The following SMAP2 variants were observed in gnomAD, a reference collection of about 807,000 sequenced individuals.
The protein encoded by SMAP2 is stromal membrane-associated protein 2.
SMAP2 carries 25 observed loss-of-function variants against 56.4 expected under a neutral mutation model. That is an observed-to-expected ratio of 0.44 (90% CI 0.32 to 0.62). The LOEUF (loss-of-function observed/expected upper bound fraction) is 0.62. Ranked by LOEUF, SMAP2 falls within the 20% of genes least tolerant of loss-of-function variation. SMAP2 has a pLI of 0.04. For synonymous variants in SMAP2, 157 were observed against 181.7 expected (o/e 0.86, Z 1.09); for missense variants, 388 against 545.6 (o/e 0.71, Z 2.88).
rs1445954417 is a variant in SMAP2, at chr1:40,422,057, G to T, written c.1246G>T (p.Gly416Ter). ...TGGACAGTCAATGAGTGGCGGAAAT[G>T]GACAGGCAGCAAATCAGACTCTCAG... is the stretch of plus-strand genomic sequence containing the variant. ...NYGQSMSGGNGQAANQTLSPQ... is the reference protein window; with the variant it reads ...NYGQSMSGGN The change falls in exon 10 of 10, where the codon GGA becomes TGA. Residue 416 changes from glycine (G) to a stop codon, truncating the protein, a stop_gained. Coordinates refer to ENST00000372718, the MANE Select transcript of SMAP2 (RefSeq NM_022733.3). LOFTEE classifies it high-confidence loss of function. 6.2e-7 allele frequency: 1 copy of T among 1,614,024 alleles called. No individual in the cohort carries two copies. The highest frequency in any genetic ancestry group is 1.3e-5 in the African/African-American group (1 of 74,916).
intron 3 of SMAP2, 70 bp from the exon 4 acceptor site, chr1:40,409,687 C>T: frequency 1.8e-6 from 2 of 1,082,442 alleles, no homozygotes; most frequent in Non-Finnish European, 2.9e-6. Context: ...CTCCGTGGAA[C>T]ACAATTGATC....
At chr1:40,350,721 C>T (rs1478808237) in intron 1 of SMAP2, among the ~76,000 whole-genome samples, 1 of 152,136 alleles carries the variant, frequency 6.6e-6, no homozygotes, top group Non-Finnish European at 1.5e-5. Context: ...ATGAAGATTT[C>T]AGGTATGTGG....
intron 1 of SMAP2, among the ~76,000 whole-genome samples, chr1:40,356,689 C>T (rs1185384437): frequency 2.0e-5 from 3 of 152,114 alleles, no homozygotes; most frequent in Admixed American, 6.5e-5. Flanking sequence ...GGATTACAGG[C>T]GTGAGCCACC....
intron 1 of SMAP2, among the ~76,000 whole-genome samples, chr1:40,392,799 TA>T (rs1316485048): frequency 6.6e-6 from 1 of 152,106 alleles, no homozygotes; most frequent in African/African-American, 2.4e-5. Flanking sequence ...ACTAGGTTTT[TA>T]AAAAGTATAC....
At chr1:40,409,632 G>A (rs754136738) in intron 3 of SMAP2, 125 bp from the exon 4 acceptor site, 2 of 653,288 alleles carry the variant, frequency 3.1e-6, no homozygotes, top group Non-Finnish European at 5.4e-6. Context: ...GAAGAGGCAG[G>A]AGCCATGTGG....
chr1:40,367,726 C>T (rs1379822885), intron 2 of SMAP2, among the ~76,000 whole-genome samples: 2 of 147,182 alleles, frequency 1.4e-5, no homozygotes, highest in Non-Finnish European at 3.0e-5. Flanking sequence ...AAATTTTTAG[C>T]ACTAAATGCC....
intron 1 of SMAP2, among the ~76,000 whole-genome samples, chr1:40,376,336 G>T (rs780019883): frequency 4.6e-5 from 7 of 152,230 alleles, no homozygotes; most frequent in African/African-American, 1.7e-4. Context: ...ACTAGTAACT[G>T]CTGGCTTGTA....
At chr1:40,380,403 T>C (rs1161326892) in intron 1 of SMAP2, among the ~76,000 whole-genome samples, 1 of 152,246 alleles carries the variant, frequency 6.6e-6, no homozygotes, top group East Asian at 1.9e-4. Context: ...TTTTAACTCA[T>C]GTACATTAAT....
At chr1:40,421,858 A>T in intron 9 of SMAP2, 118 bp from the exon 10 acceptor site, 2 of 1,172,660 alleles carry the variant, frequency 1.7e-6, no homozygotes, top group East Asian at 4.8e-5. Context: ...TCCATAACAG[A>T]GTTTCCCTTT....
At chr1:40,347,228 T>TTG (rs199511902) in intron 1 of SMAP2, among the ~76,000 whole-genome samples, 31 of 106,906 alleles carry the variant, frequency 2.9e-4, no homozygotes, top group African/African-American at 1.2e-3. Flanking sequence ...GTGTGTGTGT[T>TTG]TGTGTGTGTG....
At chr1:40,394,705 T>G (rs536140423) in intron 1 of SMAP2, among the ~76,000 whole-genome samples, 6 of 152,276 alleles carry the variant, frequency 3.9e-5, no homozygotes, top group Admixed American at 3.3e-4. Context: ...GAGCACTGCA[T>G]AGCTTTCCCA....
At chr1:40,391,633 C>T (rs932568323) in intron 1 of SMAP2, among the ~76,000 whole-genome samples, 7 of 152,068 alleles carry the variant, frequency 4.6e-5, no homozygotes, top group Non-Finnish European at 8.8e-5. Flanking sequence ...AAAAATTCCT[C>T]GTCAAAGTGG....
chr1:40,384,833 T>A (rs1272309293), intron 1 of SMAP2, among the ~76,000 whole-genome samples: 1 of 152,230 alleles, frequency 6.6e-6, no homozygotes, highest in Non-Finnish European at 1.5e-5. Context: ...CTTCCCAGAG[T>A]ACCAGTTCTT....
At chr1:40,349,921 T>C (rs551320836) in intron 1 of SMAP2, among the ~76,000 whole-genome samples, 1 of 152,254 alleles carries the variant, frequency 6.6e-6, no homozygotes, top group East Asian at 1.9e-4. Flanking sequence ...ATTGAGTCAG[T>C]TGGAAATGGC....
chr1:40,351,903 G>C (rs925418029), intron 1 of SMAP2, among the ~76,000 whole-genome samples: 2 of 152,022 alleles, frequency 1.3e-5, no homozygotes, highest in Non-Finnish European at 2.9e-5. Flanking sequence ...CTCCCAAAGT[G>C]CTGGAATTAC....
At chr1:40,406,292 CAGACACTGTAAAAAA>C (rs1644885515) in intron 1 of SMAP2, among the ~76,000 whole-genome samples, 1 of 152,154 alleles carries the variant, frequency 6.6e-6, no homozygotes, top group African/African-American at 2.4e-5. Flanking sequence ...CTCATATTAG[CAGACACTGTAAAAAA>C]ATTGTACCAT....
chr1:40,373,929 G>C lies in SMAP2; in HGVS notation c.-192G>C. The C allele has an allele frequency of 1.8e-6, 1 of 543,682 alleles. No individual in the cohort carries two copies. The highest frequency in any genetic ancestry group is 2.2e-5 in the South Asian group (1 of 45,304). 33.7% of individuals were successfully genotyped at this position (543,682 alleles called of 1,614,324 possible). A position where few individuals can be genotyped will look rare whatever the true frequency, so the allele number is the denominator to read the frequency against. Reference sequence around the variant, plus strand: ...TAAGCCCGCCAAGGGGCGCCGCGCCGAGGGGCTGCGGAGTGGGGGACGGAC... The same window carrying C: ...TAAGCCCGCCAAGGGGCGCCGCGCCCAGGGGCTGCGGAGTGGGGGACGGAC... On this transcript the variant is annotated 5_prime_UTR_variant, in exon 1 of 10. Coordinates refer to ENST00000372718, the MANE Select transcript of SMAP2 (RefSeq NM_022733.3).
At chr1:40,345,196 G>A (rs1460543342) in intron 1 of SMAP2, among the ~76,000 whole-genome samples, 3 of 151,936 alleles carry the variant, frequency 2.0e-5, no homozygotes, top group Admixed American at 1.3e-4. Flanking sequence ...TTGAGACCAG[G>A]AGTTTGACAC....
At chr1:40,415,471 G>A (rs1313882007) in intron 7 of SMAP2, 90 bp downstream of exon 7, 4 of 883,390 alleles carry the variant, frequency 4.5e-6, no homozygotes, top group Non-Finnish European at 7.6e-6. Context: ...TGCTTCCTTG[G>A]TGGAGTTGGA....
Sources: allele counts gnomAD v4.1 joint callset (sites outside exome capture counted in the v4.1 genomes callset), GRCh38; gene constraint gnomAD v4.1.1; transcripts MANE v1.5; gene names NCBI Gene and HGNC (gene_info 2026-07-23, HGNC 2026-07-21).